Variants in BTD observed in about 807,000 individuals in gnomAD.
The protein encoded by BTD is biocytinase.
In BTD, 13 loss-of-function variants were observed where a neutral mutation model predicts 17.7. The ratio of observed to expected loss-of-function variants is 0.74; its 90% CI spans 0.48 to 1.17. The LOEUF is 1.17. Among genes scored for constraint, BTD ranks in the 50% most tolerant of loss-of-function variants. The pLI is 0.00. For missense variants in BTD, 674 were observed against 650.4 expected, an observed-to-expected ratio of 1.04 and a Z score of -0.39; for synonymous variants, 240 against 245.2, an observed-to-expected ratio of 0.98 and a Z score of 0.20.
downstream of BTD, chr3:15,713,591 C>T (rs201242217): frequency 6.1e-4 from 982 of 1,610,806 alleles, no homozygotes; most frequent in Non-Finnish European, 8.0e-4. Context: ...TACCGTGCTG[C>T]TATGTGCAAA....
intron 3 of BTD, among the ~76,000 whole-genome samples, chr3:15,663,846 GATTT>G (rs1249713541): frequency 2.0e-5 from 3 of 151,906 alleles, no homozygotes; most frequent in Admixed American, 1.3e-4. Context: ...GCTTACTTTG[GATTT>G]ATTTTGCTTT....
exon 4 of BTD, among the ~76,000 whole-genome samples, chr3:15,712,395 T>C (rs2126073658): frequency 6.6e-6 from 1 of 152,360 alleles, no homozygotes; most frequent in Admixed American, 6.5e-5. Context: ...ATTAGCCAGC[T>C]ATTTTTCTCC....
chr3:15,712,292 CAA>C, exon 4 of BTD: 1 of 1,213,920 alleles, frequency 8.2e-7, no homozygotes, highest in Non-Finnish European at 1.2e-6. Context: ...AAATACATTA[CAA>C]AGAGACCACT....
downstream of BTD, among the ~76,000 whole-genome samples, chr3:15,716,043 T>C (rs1575346909): frequency 6.6e-6 from 1 of 151,242 alleles, no homozygotes; most frequent in African/African-American, 2.4e-5. Flanking sequence ...AGTACAGTGG[T>C]GTGATCTCAG....
chr3:15,616,087 CTA>C (rs1420701851), intron 1 of BTD, among the ~76,000 whole-genome samples: 5 of 152,208 alleles, frequency 3.3e-5, no homozygotes, highest in African/African-American at 7.2e-5. Flanking sequence ...GTTTTGGTAA[CTA>C]TGAAAAAAAC....
At chr3:15,704,226 T>G (rs1474349253) in intron 3 of BTD, among the ~76,000 whole-genome samples, 2 of 152,114 alleles carry the variant, frequency 1.3e-5, no homozygotes, top group Non-Finnish European at 2.9e-5. Flanking sequence ...TTCAGAGGAC[T>G]TGCTGAATGA....
downstream of BTD, among the ~76,000 whole-genome samples, chr3:15,716,364 T>C (rs895342996): frequency 2.6e-5 from 4 of 151,650 alleles, no homozygotes; most frequent in Non-Finnish European, 2.9e-5. Flanking sequence ...TAATCATAGT[T>C]CACTGCAACC....
intron 3 of BTD, among the ~76,000 whole-genome samples, chr3:15,699,457 T>C (rs1052115511): frequency 2.0e-5 from 3 of 151,918 alleles, no homozygotes; most frequent in Non-Finnish European, 4.4e-5. Context: ...GAACAGGCAA[T>C]CTACAGAATG....
chr3:15,605,407 G>A (rs186300076), intron 1 of BTD, among the ~76,000 whole-genome samples: 57 of 152,244 alleles, frequency 3.7e-4, no homozygotes, highest in Admixed American at 9.2e-4. Flanking sequence ...ACCAGGTACC[G>A]CTCATGATAT....
chr3:15,712,542 A>G (rs185242770), exon 4 of BTD, among the ~76,000 whole-genome samples: 1 of 152,308 alleles, frequency 6.6e-6, no homozygotes, highest in Non-Finnish European at 1.5e-5. Flanking sequence ...TGTCATTAAC[A>G]TTAACACCTT....
chr3:15,658,179 A>AG (rs941299564), downstream of BTD, among the ~76,000 whole-genome samples: 8 of 151,858 alleles, frequency 5.3e-5, no homozygotes, highest in Admixed American at 2.0e-4. Flanking sequence ...AAAAAAAAAA[A>AG]AAAGAAAGAA....
chr3:15,622,127 C>G (rs1452973031), intron 1 of BTD, among the ~76,000 whole-genome samples: 1 of 151,858 alleles, frequency 6.6e-6, no homozygotes, highest in Non-Finnish European at 1.5e-5. Flanking sequence ...TCATTTTTCT[C>G]TATTGATCTC....
Position 15,623,798 on chromosome 3 carries a change from GCCA to G in BTD, c.-16-11622_-16-11620del, listed in dbSNP as rs545450751. On this transcript the variant is annotated intron_variant, in intron 1 of 3. Transcript: ENST00000643237. ...TCCCACTTAGCTCTCTCCATCTTCT[GCCA>G]CCATGTGAAGATGTGCTTGCTTCCC... Among the ~76,000 whole-genome samples, 748 of 152,286 alleles carry G rather than the reference GCCA, an allele frequency of 4.9e-3. 5 individuals are homozygous for G. The highest frequency in any genetic ancestry group is 0.016 in the African/African-American group (682 of 41,542).
At chr3:15,690,737 C>G (rs929178533) in intron 3 of BTD, among the ~76,000 whole-genome samples, 1 of 151,860 alleles carries the variant, frequency 6.6e-6, no homozygotes, top group African/African-American at 2.4e-5. Context: ...GCTAATTTTT[C>G]TTTTAATTTT....
Position 15,704,204 on chromosome 3 carries a change from A to G in BTD, c.400-5856A>G, listed in dbSNP as rs73817069. ...GTTTGCTGGATTCTTACATGATGTA[A>G]AATAAAGACACTTCAGAGGACTTGC... On this transcript the variant is annotated intron_variant, in intron 3 of 3. Coordinates refer to the BTD transcript ENST00000672141. Among the ~76,000 whole-genome samples, 804 of 152,220 alleles carry G rather than the reference A, an allele frequency of 5.3e-3. 6 individuals carry two copies. Among genetic ancestry groups the G allele is most frequent in the African/African-American group, 0.019 (780 of 41,528 alleles).
intron 3 of BTD, among the ~76,000 whole-genome samples, chr3:15,659,919 A>C (rs34045182): frequency 2.0e-5 from 3 of 152,206 alleles, no homozygotes; most frequent in Non-Finnish European, 4.4e-5. Context: ...GGGAGGTTTA[A>C]TTATTTGCCC....
intron 3 of BTD, among the ~76,000 whole-genome samples, chr3:15,682,074 G>A (rs558596338): frequency 8.4e-4 from 127 of 151,944 alleles, no homozygotes; most frequent in Non-Finnish European, 1.5e-3. Context: ...GAACCCTGGG[G>A]TGACGCAAAA....
rs1575036941 is a variant in BTD, at chr3:15,651,887, T to C, written c.*6399T>C. Among the ~76,000 whole-genome samples the C allele has an allele frequency of 6.6e-6, 1 of 152,336 alleles. No homozygotes were observed. The highest frequency in any genetic ancestry group is 1.5e-5 in the Non-Finnish European group (1 of 68,028). On this transcript the variant is annotated 3_prime_UTR_variant, in exon 4 of 4. Coordinates refer to ENST00000643237, the MANE Select transcript of BTD (RefSeq NM_001370658.1). The stretch of plus-strand genomic sequence containing the variant: ...GAGAAGCTTCTTAATGAAAATAACC[T>C]TGGTAGCTAGTCTCAAGATTAGCCC...
downstream of BTD, among the ~76,000 whole-genome samples, chr3:15,658,692 T>C (rs2065894686): frequency 6.6e-6 from 1 of 152,158 alleles, no homozygotes; most frequent in Admixed American, 6.5e-5. Flanking sequence ...TGCTACCTTA[T>C]CCCTTTAGTT....
Sources: gnomAD v4.1 joint callset for allele counts (sites outside exome capture counted in the v4.1 genomes callset) on GRCh38, gnomAD v4.1.1 for gene constraint, MANE v1.5 for transcripts, NCBI Gene and HGNC (gene_info 2026-07-23, HGNC 2026-07-21) for gene names.